MEI4: variants seen among roughly 807,000 people sequenced by gnomAD.
MEI4 encodes meiosis-specific protein MEI4.
In MEI4, 27 loss-of-function variants were observed where a neutral mutation model predicts 31.4. The ratio of observed to expected loss-of-function variants is 0.86; its 90% CI spans 0.63 to 1.19. The LOEUF (loss-of-function observed/expected upper bound fraction) is 1.19, where lower values mean the gene tolerates loss of function less well. Among genes scored for constraint, MEI4 ranks in the 50% most tolerant of loss-of-function variants. The pLI is 0.00. For missense variants in MEI4, 329 were observed against 398.9 expected (o/e 0.82, Z 1.49); for synonymous variants, 122 against 145.4 (o/e 0.84, Z 1.16).
chr6:77,764,356 C>T (rs1768116617), intron 3 of MEI4, among the ~76,000 whole-genome samples: 1 of 151,986 alleles, frequency 6.6e-6, no homozygotes. Context: ...TTTTTCTTTT[C>T]TTACTCTAGC....
intron 3 of MEI4, among the ~76,000 whole-genome samples, chr6:77,772,245 CAA>C: frequency 8.8e-6 from 1 of 113,646 alleles, no homozygotes; most frequent in South Asian, 2.8e-4. Context: ...CAAAACCAGA[CAA>C]AGACACATCA....
chr6:77,798,420 C>A (rs1769143480), intron 3 of MEI4, among the ~76,000 whole-genome samples: 1 of 151,452 alleles, frequency 6.6e-6, no homozygotes, highest in Admixed American at 6.6e-5. Flanking sequence ...AAGAGATTGT[C>A]AAATTGGTAA....
At chr6:77,657,225 C>G (rs187319396) in intron 1 of MEI4, among the ~76,000 whole-genome samples, 1 of 152,156 alleles carries the variant, frequency 6.6e-6, no homozygotes, top group African/African-American at 2.4e-5. Context: ...TTTCATTACT[C>G]ATTGATTAAA....
intron 1 of MEI4, among the ~76,000 whole-genome samples, chr6:77,687,410 T>G (rs1200276287): frequency 6.6e-6 from 1 of 152,102 alleles, no homozygotes; most frequent in Non-Finnish European, 1.5e-5. Flanking sequence ...GAAGCTGGGG[T>G]GTTTTCCAGT....
At chr6:77,793,204 T>G (rs1242423805) in intron 3 of MEI4, among the ~76,000 whole-genome samples, 1 of 152,176 alleles carries the variant, frequency 6.6e-6, no homozygotes, top group African/African-American at 2.4e-5. Flanking sequence ...ATCCGTAGAT[T>G]TCTCAATAGA....
At chr6:77,918,649 C>G (rs1766624602) in intron 4 of MEI4, among the ~76,000 whole-genome samples, 2 of 151,908 alleles carry the variant, frequency 1.3e-5, no homozygotes, top group South Asian at 4.1e-4. Context: ...AGTTGCTTAT[C>G]ACCTTAAGGA....
chr6:77,794,571 CAAAA>C (rs905895249), intron 3 of MEI4, among the ~76,000 whole-genome samples: 2 of 151,656 alleles, frequency 1.3e-5, no homozygotes, highest in Non-Finnish European at 2.9e-5. Context: ...CAAAACAAAA[CAAAA>C]AACCTAACAT....
At chr6:77,785,740 G>A (rs531503702) in intron 3 of MEI4, among the ~76,000 whole-genome samples, 2 of 152,028 alleles carry the variant, frequency 1.3e-5, no homozygotes, top group East Asian at 1.9e-4. Flanking sequence ...GCTTTTCTTC[G>A]TTAGAGAGCT....
intron 3 of MEI4, among the ~76,000 whole-genome samples, chr6:77,775,145 A>T (rs1185730451): frequency 6.6e-6 from 1 of 152,070 alleles, no homozygotes; most frequent in African/African-American, 2.4e-5. Context: ...TTACCTCTTC[A>T]TCTCAGATTC....
intron 4 of MEI4, among the ~76,000 whole-genome samples, chr6:77,921,045 A>C (rs994474393): frequency 6.6e-6 from 1 of 151,912 alleles, no homozygotes; most frequent in Admixed American, 6.6e-5. Flanking sequence ...CAGTAAAGTC[A>C]GCCAATCCTT....
chr6:77,881,653 C>T (rs533765219), intron 4 of MEI4, among the ~76,000 whole-genome samples: 3 of 152,218 alleles, frequency 2.0e-5, no homozygotes, highest in African/African-American at 7.2e-5. Flanking sequence ...CCCTTCCTCA[C>T]ACCTTTGATG....
chr6:77,797,086 G>C (rs1769098979), intron 3 of MEI4, among the ~76,000 whole-genome samples: 1 of 152,162 alleles, frequency 6.6e-6, no homozygotes, highest in South Asian at 2.1e-4. Flanking sequence ...ATAAAAAATG[G>C]TTAAAGGATA....
intron 4 of MEI4, among the ~76,000 whole-genome samples, chr6:77,835,588 T>G (rs1770201759): frequency 2.0e-5 from 3 of 151,950 alleles, no homozygotes; most frequent in African/African-American, 7.2e-5. Context: ...TTTTTAAAAA[T>G]TACCTTGAAA....
intron 4 of MEI4, among the ~76,000 whole-genome samples, chr6:77,916,253 A>G (rs985858794): frequency 6.6e-6 from 1 of 151,972 alleles, no homozygotes; most frequent in East Asian, 1.9e-4. Flanking sequence ...CCAGGATTTC[A>G]TAAATTTATT....
intron 2 of MEI4, among the ~76,000 whole-genome samples, chr6:77,713,787 T>C (rs1766518446): frequency 6.6e-6 from 1 of 152,212 alleles, no homozygotes; most frequent in African/African-American, 2.4e-5. Flanking sequence ...TAATTTTCAG[T>C]GTTCTTCCCC....
At chr6:77,736,655 C>G (rs958374062) in intron 2 of MEI4, among the ~76,000 whole-genome samples, 7 of 152,022 alleles carry the variant, frequency 4.6e-5, no homozygotes, top group African/African-American at 1.5e-4. Context: ...ATTTTGGCTC[C>G]TACCCCCTTA....
chr6:77,652,573 G>A (rs931175483), upstream of MEI4, among the ~76,000 whole-genome samples: 4 of 152,184 alleles, frequency 2.6e-5, no homozygotes, highest in Admixed American at 2.6e-4. Flanking sequence ...AAGGTACAAA[G>A]GTTTGGTATG....
At chr6:77,781,047 C>T (rs1344132817) in intron 3 of MEI4, among the ~76,000 whole-genome samples, 1 of 152,018 alleles carries the variant, frequency 6.6e-6, no homozygotes, top group African/African-American at 2.4e-5. Context: ...GAACCATGCT[C>T]AGCTAATTTT....
chr6:77,665,554 G>A (rs772119651), intron 1 of MEI4, among the ~76,000 whole-genome samples: 2 of 152,184 alleles, frequency 1.3e-5, no homozygotes, highest in Non-Finnish European at 2.9e-5. Flanking sequence ...AGAAGAGCGG[G>A]ATTTGCTGCT....
Sources: gnomAD v4.1 joint callset for allele counts (sites outside exome capture counted in the v4.1 genomes callset) on GRCh38, gnomAD v4.1.1 for gene constraint, MANE v1.5 for transcripts, NCBI Gene and HGNC (gene_info 2026-07-23, HGNC 2026-07-21) for gene names.